The following PHTF1 variants were observed in gnomAD, a reference collection of about 807,000 sequenced individuals.
The protein encoded by PHTF1 is putative homeodomain transcription factor 1.
A neutral mutation model predicts 102.4 loss-of-function variants in PHTF1; 88 were observed. The ratio of observed to expected loss-of-function variants is 0.86; its 90% CI spans 0.72 to 1.03. The LOEUF (loss-of-function observed/expected upper bound fraction) is 1.03. PHTF1 is among the 50% of genes least tolerant of loss of function. The probability of loss-of-function intolerance (pLI) is 0.00; values close to 1 mark genes in which losing one functional copy is unlikely to be tolerated. For missense variants in PHTF1, 814 were observed against 909.5 expected (o/e 0.89, Z 1.35); for synonymous variants, 289 against 305.2 (o/e 0.95, Z 0.55).
At chr1:113,756,496 T>C (rs1018281735) in intron 3 of PHTF1, among the ~76,000 whole-genome samples, 2 of 152,186 alleles carry the variant, frequency 1.3e-5, no homozygotes, top group Admixed American at 6.5e-5. Context: ...CAGCTGGCAT[T>C]TATCAGCACT....
intron 15 of PHTF1, chr1:113,703,831 C>A: frequency 2.4e-6 from 1 of 424,160 alleles, no homozygotes; most frequent in Non-Finnish European, 4.2e-6. Flanking sequence ...TATTTTGCAA[C>A]CATATGATAG....
chr1:113,711,893 C>T (rs1423797693), intron 9 of PHTF1, 47 bp downstream of exon 9: 1 of 1,602,412 alleles, frequency 6.2e-7, no homozygotes, highest in African/African-American at 1.3e-5. Flanking sequence ...TTGTTACTAA[C>T]TTCAATGATT....
In PHTF1 at chr1:113,711,976, A is replaced by G; in HGVS notation, c.921T>C (p.Asn307=). 6.2e-7 allele frequency: 1 copy of G among 1,614,096 alleles called. No homozygotes were observed. The highest frequency in any genetic ancestry group is 8.5e-7 in the Non-Finnish European group (1 of 1,179,954). ...ASSDNGCEVK[N]RKSILSRHLN... Reference sequence around the variant, plus strand: ...GGTGCCTTGAAAGTATTGATTTTCTATTCTTAACTTCACAACCATTGTCAC... The same window carrying G: ...GGTGCCTTGAAAGTATTGATTTTCTGTTCTTAACTTCACAACCATTGTCAC... Residue 307 remains asparagine, a synonymous_variant, in exon 9 of 19, where the codon AAT becomes AAC. Transcript: ENST00000369604.
In PHTF1 at chr1:113,697,687, T is replaced by A; in HGVS notation, c.*18A>T. The A allele has an allele frequency of 6.7e-7, 1 of 1,490,804 alleles. No individual in the cohort carries two copies. Among genetic ancestry groups the A allele is most frequent in the Non-Finnish European group, 9.0e-7 (1 of 1,109,242 alleles). The allele number at this position is 1,490,804 out of a possible 1,614,324, so 92.3% of individuals were successfully genotyped here. A position where few individuals can be genotyped will look rare whatever the true frequency, so the allele number is the denominator to read the frequency against. On this transcript the variant is annotated 3_prime_UTR_variant, in exon 19 of 19. Transcript: ENST00000369604. Reference sequence around the variant, plus strand: ...AGTTTTGATACCAGCCAGGGGAGAGTCCAGGCATTTACTCAGCTTATGATT... The same window carrying A: ...AGTTTTGATACCAGCCAGGGGAGAGACCAGGCATTTACTCAGCTTATGATT...
intron 6 of PHTF1, chr1:113,725,807 C>CA (rs564413306): frequency 1.6e-4 from 23 of 146,900 alleles, no homozygotes; most frequent in Admixed American, 2.1e-4. Flanking sequence ...CTACTAAATT[C>CA]AAAAAAAAAA....
At chr1:113,739,978 CTGT>C (rs1327189487) in intron 3 of PHTF1, among the ~76,000 whole-genome samples, 2 of 152,132 alleles carry the variant, frequency 1.3e-5, no homozygotes, top group African/African-American at 4.8e-5. Flanking sequence ...ATCCATTCAC[CTGT>C]TGATGGACAC....
intron 3 of PHTF1, among the ~76,000 whole-genome samples, chr1:113,739,444 TG>T (rs1224036356): frequency 1.3e-5 from 2 of 152,200 alleles, no homozygotes; most frequent in African/African-American, 2.4e-5. Context: ...ATCTTTTTTT[TG>T]CTTCTACTAT....
At chr1:113,731,648 C>T (rs1654659863) in intron 5 of PHTF1, among the ~76,000 whole-genome samples, 2 of 152,214 alleles carry the variant, frequency 1.3e-5, no homozygotes, top group South Asian at 4.1e-4. Context: ...AATCCCAGCA[C>T]TTTGGGAGGC....
At chr1:113,742,658 G>A (rs988063891) in intron 3 of PHTF1, among the ~76,000 whole-genome samples, 6 of 152,050 alleles carry the variant, frequency 3.9e-5, no homozygotes, top group Non-Finnish European at 2.9e-5. Flanking sequence ...TGGTACACCT[G>A]TATAGGGCAC....
intron 2 of PHTF1, 108 bp downstream of exon 2, chr1:113,758,551 T>A: frequency 2.0e-6 from 1 of 501,596 alleles, no homozygotes; most frequent in Non-Finnish European, 3.4e-6. Context: ...GAAGTATACA[T>A]GAACACCTGG....
At chr1:113,722,959 T>TAAATAAATAAATAA (rs1305141757) in intron 7 of PHTF1, among the ~76,000 whole-genome samples, 8 of 145,342 alleles carry the variant, frequency 5.5e-5, no homozygotes, top group African/African-American at 2.0e-4. Flanking sequence ...AATAAATAAA[T>TAAATAAATAAATAA]AAATAAAAAT....
At chr1:113,744,394 G>A (rs573385291) in intron 3 of PHTF1, among the ~76,000 whole-genome samples, 1 of 152,182 alleles carries the variant, frequency 6.6e-6, no homozygotes, top group South Asian at 2.1e-4. Flanking sequence ...TTCCTAGGGT[G>A]CTGAAATTTT....
chr1:113,735,025 T>C (rs1165691987), intron 5 of PHTF1, among the ~76,000 whole-genome samples: 1 of 152,086 alleles, frequency 6.6e-6, no homozygotes, highest in African/African-American at 2.4e-5. Context: ...AACAGATTCA[T>C]ACAGAAAGGT....
intron 3 of PHTF1, among the ~76,000 whole-genome samples, chr1:113,745,536 T>G (rs1311126296): frequency 6.6e-6 from 1 of 152,140 alleles, no homozygotes; most frequent in East Asian, 1.9e-4. Flanking sequence ...ACGTGGCCTG[T>G]TAGGAACCAG....
chr1:113,737,017 G>C (rs2101588353), intron 5 of PHTF1, among the ~76,000 whole-genome samples: 1 of 152,328 alleles, frequency 6.6e-6, no homozygotes, highest in South Asian at 2.1e-4. Flanking sequence ...ATGATTGGTA[G>C]AAAGAAGGCT....
intron 13 of PHTF1, 180 bp downstream of exon 13, chr1:113,705,710 C>T (rs1383591358): frequency 1.9e-5 from 11 of 586,788 alleles, no homozygotes; most frequent in Admixed American, 7.1e-5. Flanking sequence ...CAGATTACAA[C>T]GTGTAATATG....
chr1:113,747,454 T>C (rs1049795368), intron 3 of PHTF1, among the ~76,000 whole-genome samples: 27 of 152,246 alleles, frequency 1.8e-4, no homozygotes, highest in African/African-American at 6.5e-4. Context: ...TCTGTCCTCA[T>C]ACTCCATTCT....
At chr1:113,752,328 G>C (rs1290695402) in intron 3 of PHTF1, among the ~76,000 whole-genome samples, 1 of 141,106 alleles carries the variant, frequency 7.1e-6, no homozygotes, top group Non-Finnish European at 1.5e-5. Context: ...AAATACAACT[G>C]ATTTTTGTGT....
chr1:113,752,385 A>ATTTTTTTTTTT (rs774522219), intron 3 of PHTF1, among the ~76,000 whole-genome samples: 1 of 47,840 alleles, frequency 2.1e-5, no homozygotes, highest in Admixed American at 2.9e-4. Context: ...TGTTACTGTA[A>ATTTTTTTTTTT]TTTTTTTTTT....
Sources: allele counts gnomAD v4.1 joint callset (sites outside exome capture counted in the v4.1 genomes callset), GRCh38; gene constraint gnomAD v4.1.1; transcripts MANE v1.5; gene names NCBI Gene and HGNC (gene_info 2026-07-23, HGNC 2026-07-21).